The following KHDRBS2 variants were observed in gnomAD, a reference collection of about 807,000 sequenced individuals.
KHDRBS2 encodes KH RNA binding domain containing, signal transduction associated 2, also known as KH domain-containing, RNA-binding, signal transduction-associated protein 2.
In KHDRBS2, 26 loss-of-function variants were observed where a neutral mutation model predicts 44.3. The ratio of observed to expected loss-of-function variants is 0.59; its 90% CI spans 0.43 to 0.81. The LOEUF is 0.81. Among genes scored for constraint, KHDRBS2 ranks in the 40% least tolerant of loss-of-function variants. The pLI is 0.00. For missense variants in KHDRBS2, 476 were observed against 433.1 expected (o/e 1.10, Z -0.88); for synonymous variants, 194 against 151.1 (o/e 1.28, Z -2.08).
intron 6 of KHDRBS2, among the ~76,000 whole-genome samples, chr6:61,796,144 C>G (rs747191073): frequency 2.6e-5 from 4 of 151,864 alleles, no homozygotes; most frequent in Non-Finnish European, 5.9e-5. Context: ...TAGAAAATAA[C>G]TAGTCTTTTG....
chr6:61,876,886 C>T lies in KHDRBS2; in HGVS notation c.810+17749G>A, dbSNP rs145433017. The stretch of plus-strand genomic sequence containing the variant: ...AGGGACTTCTTTTTGCCATCATTGC[C>T]GAAATATGTTCCTTGTAAATTTGAT... On this transcript the variant is annotated intron_variant, in intron 6 of 8. Coordinates refer to ENST00000281156, the MANE Select transcript of KHDRBS2 (RefSeq NM_152688.4). Among the ~76,000 whole-genome samples, 27 of 151,956 alleles carry T rather than the reference C, an allele frequency of 1.8e-4. No homozygotes were observed. The East Asian group carries it at 4.5e-3, about 25-fold the overall frequency.
the KHDRBS2 span, among the ~76,000 whole-genome samples, chr6:61,570,934 A>T: frequency 2.0e-5 from 3 of 152,174 alleles, no homozygotes; most frequent in Admixed American, 6.6e-5. Context: ...TCTTGATACA[A>T]AACCTTAAAA....
intron 4 of KHDRBS2, among the ~76,000 whole-genome samples, chr6:61,902,397 A>T (rs565033832): frequency 6.6e-6 from 1 of 152,050 alleles, no homozygotes; most frequent in African/African-American, 2.4e-5. Flanking sequence ...TCAGGGTGGA[A>T]ATACACCAGC....
intron 2 of KHDRBS2, among the ~76,000 whole-genome samples, chr6:62,082,572 G>C (rs747135562): frequency 6.6e-6 from 1 of 152,006 alleles, no homozygotes; most frequent in Non-Finnish European, 1.5e-5. Flanking sequence ...ACATTTGAAT[G>C]GTACAAAGAT....
intron 6 of KHDRBS2, among the ~76,000 whole-genome samples, chr6:61,838,331 C>A (rs1422123854): frequency 1.3e-5 from 2 of 151,806 alleles, no homozygotes; most frequent in Non-Finnish European, 2.9e-5. Context: ...TGAGTAATGC[C>A]TAAGGCCAAA....
At chr6:62,120,586 T>C (rs1807375128) in intron 2 of KHDRBS2, among the ~76,000 whole-genome samples, 2 of 152,190 alleles carry the variant, frequency 1.3e-5, no homozygotes, top group African/African-American at 2.4e-5. Context: ...GCAATCAGAA[T>C]AGTCTGATTC....
intron 2 of KHDRBS2, among the ~76,000 whole-genome samples, chr6:62,157,581 C>T (rs1292370847): frequency 1.3e-5 from 2 of 152,014 alleles, no homozygotes; most frequent in Non-Finnish European, 2.9e-5. Flanking sequence ...GAAGTACGTA[C>T]TCATTTATTT....
chr6:62,070,625 T>C, intron 2 of KHDRBS2, among the ~76,000 whole-genome samples: 1 of 152,098 alleles, frequency 6.6e-6, no homozygotes, highest in Admixed American at 6.6e-5. Context: ...TTGCTGAGAA[T>C]GATGGTTTCC....
intron 3 of KHDRBS2, among the ~76,000 whole-genome samples, chr6:61,985,538 A>T (rs762336478): frequency 1.3e-5 from 2 of 152,120 alleles, no homozygotes; most frequent in Non-Finnish European, 2.9e-5. Flanking sequence ...AAGTTTTCAA[A>T]TGTTGTTATA....
chr6:62,132,845 T>C (rs1043742130), intron 2 of KHDRBS2, among the ~76,000 whole-genome samples: 2 of 152,202 alleles, frequency 1.3e-5, no homozygotes, highest in African/African-American at 4.8e-5. Flanking sequence ...CCAGAAATCA[T>C]ATATCATAAT....
chr6:62,084,812 G>T (rs1798099849), intron 2 of KHDRBS2, among the ~76,000 whole-genome samples: 1 of 151,996 alleles, frequency 6.6e-6, no homozygotes, highest in Admixed American at 6.6e-5. Flanking sequence ...CCAAGAAATA[G>T]TTCATTAAAT....
Position 62,229,064 on chromosome 6 carries a change from A to G in KHDRBS2, c.92-51752T>C, listed in dbSNP as rs112384321. Among the ~76,000 whole-genome samples, 8 of 152,286 alleles carry G rather than the reference A, an allele frequency of 5.3e-5. 1 individual carries two copies. Among genetic ancestry groups the G allele is most frequent in the Admixed American group, 3.3e-4 (5 of 15,296 alleles). On this transcript the variant is annotated intron_variant, in intron 1 of 8. Transcript: ENST00000281156. ...GGTGTGCTTCGTTTCGGGGGGAAAC[A>G]CAATCATCTGGGCTGCCTGAATTCC... is the stretch of plus-strand genomic sequence containing the variant.
the KHDRBS2 span, among the ~76,000 whole-genome samples, chr6:61,638,631 A>T: frequency 1.3e-5 from 2 of 152,068 alleles, no homozygotes; most frequent in Non-Finnish European, 2.9e-5. Context: ...CAAAAGTTCA[A>T]CATATACTTT....
intron 1 of KHDRBS2, among the ~76,000 whole-genome samples, chr6:62,179,797 G>C (rs1821887116): frequency 6.6e-6 from 1 of 151,832 alleles, no homozygotes; most frequent in Admixed American, 6.6e-5. Context: ...AAGAAATGGA[G>C]TTAAATGAAA....
the KHDRBS2 span, among the ~76,000 whole-genome samples, chr6:61,662,781 AACACTTTT>A: frequency 6.6e-6 from 1 of 151,854 alleles, no homozygotes; most frequent in Non-Finnish European, 1.5e-5. Context: ...GAGAAATAGG[AACACTTTT>A]ACACTGTTGG....
intron 8 of KHDRBS2, among the ~76,000 whole-genome samples, chr6:61,688,577 C>T (rs1255986212): frequency 1.3e-5 from 2 of 151,894 alleles, no homozygotes; most frequent in Non-Finnish European, 1.5e-5. Context: ...ACAGAGATTA[C>T]ATTTGTAGTT....
At chr6:61,754,402 A>G (rs1018959744) in intron 6 of KHDRBS2, among the ~76,000 whole-genome samples, 1 of 152,140 alleles carries the variant, frequency 6.6e-6, no homozygotes, top group African/African-American at 2.4e-5. Context: ...TAAGTGAGCA[A>G]GTGAGCCTAC....
intron 6 of KHDRBS2, among the ~76,000 whole-genome samples, chr6:61,842,465 G>T (rs1263789328): frequency 1.3e-5 from 2 of 152,140 alleles, no homozygotes; most frequent in Non-Finnish European, 2.9e-5. Context: ...GATCTTGAAT[G>T]CTTCCTGGGG....
At chr6:62,258,159 C>T (rs1837721442) in intron 1 of KHDRBS2, among the ~76,000 whole-genome samples, 1 of 151,934 alleles carries the variant, frequency 6.6e-6, no homozygotes, top group South Asian at 2.1e-4. Context: ...CTTTACTGTT[C>T]TAGGTGAGAA....
Sources: allele counts gnomAD v4.1 joint callset (sites outside exome capture counted in the v4.1 genomes callset), GRCh38; gene constraint gnomAD v4.1.1; transcripts MANE v1.5; gene names NCBI Gene and HGNC (gene_info 2026-07-23, HGNC 2026-07-21).